The following ARHGAP18 variants were observed in gnomAD, a reference collection of about 807,000 sequenced individuals.
ARHGAP18 encodes the protein Rho GTPase activating protein 18, also known as rho GTPase-activating protein 18.
A neutral mutation model predicts 86.2 loss-of-function variants in ARHGAP18; 67 were observed. The observed-to-expected ratio is 0.78, with a 90% CI of 0.64 to 0.95. ARHGAP18 has a LOEUF of 0.95. Ranked by LOEUF, ARHGAP18 falls within the 40% of genes least tolerant of loss-of-function variation. The pLI, the probability that ARHGAP18 is intolerant of heterozygous loss-of-function variation, is 0.00. For missense variants in ARHGAP18, 691 were observed against 780.4 expected, an observed-to-expected ratio of 0.89 and a Z score of 1.37; for synonymous variants, 283 against 280.4, an observed-to-expected ratio of 1.01 and a Z score of -0.09.
At chr6:129,691,792 CA>C (rs2114547434) in intron 1 of ARHGAP18, among the ~76,000 whole-genome samples, 1 of 152,276 alleles carries the variant, frequency 6.6e-6, no homozygotes, top group East Asian at 1.9e-4. Flanking sequence ...TTCTGGTTCC[CA>C]AAAGGCTTCT....
intron 13 of ARHGAP18, among the ~76,000 whole-genome samples, chr6:129,583,102 T>C (rs1043203548): frequency 6.6e-5 from 10 of 152,196 alleles, no homozygotes; most frequent in Non-Finnish European, 1.2e-4. Context: ...GAAAGCTTGA[T>C]TGAAGCCCCC....
chr6:129,612,632 T>C (rs1326928486), intron 7 of ARHGAP18, among the ~76,000 whole-genome samples: 1 of 152,228 alleles, frequency 6.6e-6, no homozygotes, highest in Non-Finnish European at 1.5e-5. Context: ...TACCTGGAGC[T>C]TACTGTTTTT....
At position 129,657,100 on chromosome 6, in the gene ARHGAP18, G is replaced by A. The variant is rs940122010; in HGVS notation, c.114-15082C>T. Reference sequence around the variant, plus strand: ...ATTGGCTCTTACTCTGCAAATGAAAGCTCCAAGTTGACATTAATTTTATAA... The same window carrying A: ...ATTGGCTCTTACTCTGCAAATGAAAACTCCAAGTTGACATTAATTTTATAA... On this transcript the variant is annotated intron_variant, in intron 1 of 14. Transcript: ENST00000368149. 3.3e-5 allele frequency among the ~76,000 whole-genome samples: 5 copies of A among 152,270 alleles called. No individual in the cohort carries two copies. The East Asian group carries it at 7.7e-4, about 24-fold the overall frequency.
intron 1 of ARHGAP18, among the ~76,000 whole-genome samples, chr6:129,653,136 T>C (rs1024824708): frequency 1.3e-5 from 2 of 152,194 alleles, no homozygotes; most frequent in African/African-American, 4.8e-5. Flanking sequence ...AATCATCTCA[T>C]ATCTCAATGA....
chr6:129,589,863 G>A (rs1788475941), intron 12 of ARHGAP18, among the ~76,000 whole-genome samples: 6 of 152,162 alleles, frequency 3.9e-5, no homozygotes, highest in Admixed American at 2.6e-4. Context: ...AACCTCAAAA[G>A]TGGGGAAGCT....
At chr6:129,585,101 G>A (rs1788369613) in intron 12 of ARHGAP18, among the ~76,000 whole-genome samples, 1 of 150,406 alleles carries the variant, frequency 6.6e-6, no homozygotes, top group South Asian at 2.1e-4. Flanking sequence ...GACTAGCCTG[G>A]CCAACATGGC....
chr6:129,659,846 T>G (rs56736828), intron 1 of ARHGAP18, among the ~76,000 whole-genome samples: 2,167 of 152,258 alleles, frequency 0.014, 49 homozygotes, highest in African/African-American at 0.049. Flanking sequence ...CAAGCTCTAG[T>G]GAAGGGATCC....
intron 5 of ARHGAP18, 90 bp downstream of exon 5, chr6:129,629,262 TG>T: frequency 1.9e-6 from 2 of 1,045,950 alleles, no homozygotes; most frequent in South Asian, 1.7e-5. Context: ...TATATATATA[TG>T]TGTGTGTGCG....
At chr6:129,689,614 A>C (rs1774490195) in intron 1 of ARHGAP18, among the ~76,000 whole-genome samples, 1 of 152,182 alleles carries the variant, frequency 6.6e-6, no homozygotes, top group Non-Finnish European at 1.5e-5. Flanking sequence ...ACAGGCATAC[A>C]TTGCTGTGAA....
chr6:129,625,735 T>C (rs1789422547), intron 5 of ARHGAP18, among the ~76,000 whole-genome samples: 1 of 18,020 alleles, frequency 5.5e-5, no homozygotes, highest in Admixed American at 9.7e-4. Flanking sequence ...TATATATTTA[T>C]TATATATTTA....
chr6:129,638,502 A>C lies in ARHGAP18; in HGVS notation c.444T>G (p.Val148=). ...STLTRTQAAA[V]QKRVETVSQT... Reference sequence around the variant, plus strand: ...GGGAGACCGTCTCTACTCGCTTCTGAACTGCTGCTGCCTGGGTCCGCGTCA... The same window carrying C: ...GGGAGACCGTCTCTACTCGCTTCTGCACTGCTGCTGCCTGGGTCCGCGTCA... The change falls in exon 3 of 15, where the codon GTT becomes GTG. Residue 148 remains valine, a synonymous_variant. Transcript: ENST00000368149. The C allele has an allele frequency of 6.2e-7, 1 of 1,614,044 alleles. No homozygotes were observed. Among genetic ancestry groups the C allele is most frequent in the African/African-American group, 1.3e-5 (1 of 74,984 alleles).
chr6:129,608,193 A>T, intron 8 of ARHGAP18, 141 bp from the exon 9 acceptor site: 3 of 1,033,618 alleles, frequency 2.9e-6, no homozygotes, highest in Non-Finnish European at 2.6e-6. Context: ...AAAAGTCAAT[A>T]TTTCTTTTAC....
chr6:129,644,095 C>T (rs1327914578), intron 1 of ARHGAP18, among the ~76,000 whole-genome samples: 1 of 152,150 alleles, frequency 6.6e-6, no homozygotes, highest in African/African-American at 2.4e-5. Context: ...CTTGGGGTGG[C>T]GATGGGTGGG....
chr6:129,625,057 A>G (rs796240416), intron 5 of ARHGAP18, among the ~76,000 whole-genome samples: 3,872 of 77,358 alleles, frequency 0.05, 756 homozygotes, highest in Non-Finnish European at 0.069. Flanking sequence ...TATATGATTG[A>G]TATATATTTA....
intron 2 of ARHGAP18, 63 bp downstream of exon 2, chr6:129,641,753 T>C (rs1367821430): frequency 7.1e-7 from 1 of 1,416,942 alleles, no homozygotes; most frequent in Non-Finnish European, 9.7e-7. Context: ...TCTTCCTTTC[T>C]ATGCATTCAT....
intron 1 of ARHGAP18, among the ~76,000 whole-genome samples, chr6:129,681,018 G>T (rs1774315350): frequency 6.6e-6 from 1 of 152,168 alleles, no homozygotes; most frequent in Non-Finnish European, 1.5e-5. Flanking sequence ...TCCTGGACAT[G>T]GAGAATTGCT....
At chr6:129,693,418 G>C (rs950896577) in intron 1 of ARHGAP18, among the ~76,000 whole-genome samples, 2 of 152,144 alleles carry the variant, frequency 1.3e-5, no homozygotes, top group African/African-American at 2.4e-5. Flanking sequence ...TGCATCTATG[G>C]AGTTTCCAGT....
rs561157590 is a variant in ARHGAP18 at position 129,686,859 on chromosome 6, C to T, written c.113+23165G>A. ...AGGCCGGTGTGCAATGGCGCGATCT[C>T]GGATCACTGCAACCTCCACCTCCTA... On this transcript the variant is annotated intron_variant, in intron 1 of 14. Coordinates refer to ENST00000368149, the MANE Select transcript of ARHGAP18 (RefSeq NM_033515.3). Among the ~76,000 whole-genome samples, 10 of 146,252 alleles carry T rather than the reference C, an allele frequency of 6.8e-5. No homozygotes were observed. In the East Asian group the frequency reaches 8.0e-4, roughly 12 times the overall value.
At chr6:129,669,069 G>A (rs529136698) in intron 1 of ARHGAP18, among the ~76,000 whole-genome samples, 2 of 152,198 alleles carry the variant, frequency 1.3e-5, no homozygotes, top group East Asian at 1.9e-4. Flanking sequence ...ACAATTACGC[G>A]GTGTCTGTAG....
Sources: gnomAD v4.1 joint callset for allele counts (sites outside exome capture counted in the v4.1 genomes callset) on GRCh38, gnomAD v4.1.1 for gene constraint, MANE v1.5 for transcripts, NCBI Gene and HGNC (gene_info 2026-07-23, HGNC 2026-07-21) for gene names.